The following SH3RF1 variants were observed in gnomAD, a reference collection of about 807,000 sequenced individuals.
SH3RF1 encodes the protein E3 ubiquitin-protein ligase SH3RF1.
SH3RF1 carries 32 observed loss-of-function variants against 74.0 expected under a neutral mutation model. The ratio of observed to expected loss-of-function variants is 0.43; its 90% CI spans 0.33 to 0.58. SH3RF1 has a LOEUF of 0.58. SH3RF1 is among the 20% of genes least tolerant of loss of function. The probability of loss-of-function intolerance (pLI) is 0.05; values close to 1 mark genes in which losing one functional copy is unlikely to be tolerated. For synonymous variants in SH3RF1, 396 were observed against 439.6 expected, an observed-to-expected ratio of 0.90 and a Z score of 1.24; for missense variants, 954 against 1,130.9, an observed-to-expected ratio of 0.84 and a Z score of 2.24.
chr4:169,265,812 G>A (rs2110763865), intron 2 of SH3RF1, among the ~76,000 whole-genome samples: 1 of 152,280 alleles, frequency 6.6e-6, no homozygotes, highest in South Asian at 2.1e-4. Flanking sequence ...TAATATCTAT[G>A]CATATTTATG....
intron 2 of SH3RF1, among the ~76,000 whole-genome samples, chr4:169,235,316 A>G (rs1302232418): frequency 6.6e-6 from 1 of 152,210 alleles, no homozygotes; most frequent in African/African-American, 2.4e-5. Flanking sequence ...TAGCAATGTC[A>G]TTTACTCTCT....
intron 11 of SH3RF1, among the ~76,000 whole-genome samples, chr4:169,105,621 T>A (rs1733119958): frequency 6.6e-6 from 1 of 152,314 alleles, no homozygotes; most frequent in South Asian, 2.1e-4. Context: ...TCGCTAGACA[T>A]CGTGGCTCAC....
intron 10 of SH3RF1, among the ~76,000 whole-genome samples, chr4:169,107,940 C>A (rs898567858): frequency 1.3e-5 from 2 of 151,664 alleles, no homozygotes; most frequent in Non-Finnish European, 2.9e-5. Context: ...AGCAAATATA[C>A]AAATAAGCGT....
rs1734186757 is a variant in SH3RF1 at position 169,163,632 on chromosome 4, C to A, written c.394-6953G>T. On this transcript the variant is annotated intron_variant, in intron 2 of 11. Coordinates refer to ENST00000284637, the MANE Select transcript of SH3RF1 (RefSeq NM_020870.4). Reference sequence around the variant, plus strand: ...CAATCTGGAGACAGTTCCCAATTACCTCTTAAATCACATTAATGGTCTAAA... The same window carrying A: ...CAATCTGGAGACAGTTCCCAATTACATCTTAAATCACATTAATGGTCTAAA... 3.3e-5 allele frequency among the ~76,000 whole-genome samples: 5 copies of A among 152,270 alleles called. No individual in the cohort carries two copies. The South Asian group carries it at 1.0e-3, about 32-fold the overall frequency.
chr4:169,124,317 CA>C (rs1733489877), intron 6 of SH3RF1, among the ~76,000 whole-genome samples: 1 of 152,044 alleles, frequency 6.6e-6, no homozygotes, highest in Admixed American at 6.6e-5. Flanking sequence ...AAGAAAAGGA[CA>C]AAAATCATCT....
intron 4 of SH3RF1, among the ~76,000 whole-genome samples, chr4:169,142,425 A>T (rs906384320): frequency 1.3e-5 from 2 of 152,104 alleles, no homozygotes; most frequent in Admixed American, 6.5e-5. Flanking sequence ...TTTTCATTCC[A>T]CAATTGTTTT....
intron 2 of SH3RF1, among the ~76,000 whole-genome samples, chr4:169,205,998 T>C (rs1579137241): frequency 2.0e-5 from 3 of 152,304 alleles, no homozygotes. Context: ...AACAATATAT[T>C]CATATTTTTA....
At chr4:169,230,098 C>T (rs1195323502) in intron 2 of SH3RF1, among the ~76,000 whole-genome samples, 1 of 152,030 alleles carries the variant, frequency 6.6e-6, no homozygotes, top group South Asian at 2.1e-4. Context: ...CCCAGCTACT[C>T]GGGAGGCCGA....
intron 2 of SH3RF1, among the ~76,000 whole-genome samples, chr4:169,159,428 T>C (rs994064152): frequency 1.3e-5 from 2 of 152,208 alleles, no homozygotes; most frequent in African/African-American, 2.4e-5. Context: ...AGTACTATAC[T>C]AAATCTCTTG....
rs531928688 is a variant in SH3RF1, at chr4:169,106,920, C to T, written c.2425G>A (p.Ala809Thr). 3 of 1,613,684 alleles carry T rather than the reference C, an allele frequency of 1.9e-6. No homozygotes were observed. Among genetic ancestry groups the T allele is most frequent in the South Asian group, 1.1e-5 (1 of 91,078 alleles). ...ASSLDSAVPIAPPPRQACSSL... is the reference protein window; with the variant it reads ...ASSLDSAVPITPPPRQACSSL... ...GAACAGGCCTGGCGAGGAGGTGGAG[C>T]GATGGGAACTGCGGAGTCCAGGGAA... Residue 809 changes from alanine (A) to threonine (T), a missense_variant, in exon 11 of 12, where the codon GCT becomes ACT. Ala to Thr is a moderately conservative substitution (Grantham distance 58). Coordinates refer to ENST00000284637, the MANE Select transcript of SH3RF1 (RefSeq NM_020870.4).
chr4:169,247,563 G>A (rs569125513), intron 2 of SH3RF1, among the ~76,000 whole-genome samples: 2 of 152,142 alleles, frequency 1.3e-5, no homozygotes, highest in South Asian at 2.1e-4. Context: ...AAGTAGCATC[G>A]CTTGATAAAT....
chr4:169,202,959 T>C (rs1346751794), intron 2 of SH3RF1, among the ~76,000 whole-genome samples: 1 of 152,202 alleles, frequency 6.6e-6, no homozygotes, highest in African/African-American at 2.4e-5. Context: ...TGTATCTAGA[T>C]AGCAATGTAT....
intron 2 of SH3RF1, among the ~76,000 whole-genome samples, chr4:169,192,249 C>T (rs192521319): frequency 3.3e-5 from 5 of 151,556 alleles, no homozygotes; most frequent in African/African-American, 7.3e-5. Flanking sequence ...ATAGACAGTT[C>T]GCAAAAGAAG....
intron 2 of SH3RF1, among the ~76,000 whole-genome samples, chr4:169,228,135 T>C (rs984333964): frequency 1.3e-5 from 2 of 152,202 alleles, no homozygotes; most frequent in African/African-American, 4.8e-5. Context: ...ATTAAGTACA[T>C]ATTCTAAATG....
intron 2 of SH3RF1, among the ~76,000 whole-genome samples, chr4:169,209,585 T>C (rs1449154477): frequency 6.6e-6 from 1 of 152,158 alleles, no homozygotes; most frequent in African/African-American, 2.4e-5. Context: ...CATTAGCTCA[T>C]GGTGAGAGTC....
At position 169,268,753 on chromosome 4, in the gene SH3RF1, A is replaced by AT. The variant is rs201789263; in HGVS notation, c.393+66_393+67insA. The AT allele has an allele frequency of 8.0e-5, 119 of 1,495,570 alleles. No homozygotes were observed. In the East Asian group the frequency reaches 2.6e-3, roughly 32 times the overall value. The allele number at this position is 1,495,570 out of a possible 1,614,324, so 92.6% of individuals were successfully genotyped here. On this transcript the variant is annotated intron_variant, in intron 2 of 11. Transcript: ENST00000284637. ...GAGTTGACTTCGAAAACACCAAGCT[A>AT]AAGAATAAAGAAAAAATGTGGACAT...
chr4:169,194,641 G>A (rs1009523289), intron 2 of SH3RF1, among the ~76,000 whole-genome samples: 1 of 152,074 alleles, frequency 6.6e-6, no homozygotes, highest in Non-Finnish European at 1.5e-5. Context: ...CTCTTTCCAG[G>A]TGTTAGTTAT....
At chr4:169,103,678 T>C (rs886087593) in intron 11 of SH3RF1, among the ~76,000 whole-genome samples, 6 of 152,140 alleles carry the variant, frequency 3.9e-5, no homozygotes, top group Non-Finnish European at 7.4e-5. Context: ...TTACCGCACA[T>C]TTTTCCTGTT....
chr4:169,238,076 C>T (rs1730848407), intron 2 of SH3RF1, among the ~76,000 whole-genome samples: 1 of 152,172 alleles, frequency 6.6e-6, no homozygotes, highest in Non-Finnish European at 1.5e-5. Context: ...TGCCCATTGG[C>T]TATAAATTTC....
Sources: gnomAD v4.1 joint callset for allele counts (sites outside exome capture counted in the v4.1 genomes callset) on GRCh38, gnomAD v4.1.1 for gene constraint, MANE v1.5 for transcripts, NCBI Gene and HGNC (gene_info 2026-07-23, HGNC 2026-07-21) for gene names.